Variants in KCNIP4 observed in about 807,000 individuals in gnomAD.
KCNIP4 encodes the protein potassium voltage-gated channel interacting protein 4.
A neutral mutation model predicts 34.0 loss-of-function variants in KCNIP4; 12 were observed. The observed-to-expected ratio is 0.35, with a 90% CI of 0.23 to 0.57. The LOEUF is 0.57. Among genes scored for constraint, KCNIP4 ranks in the 20% least tolerant of loss-of-function variants. The probability of loss-of-function intolerance (pLI) is 0.83; values close to 1 mark genes in which losing one functional copy is unlikely to be tolerated. For missense variants in KCNIP4, 238 were observed against 311.7 expected (o/e 0.76, Z 1.78); for synonymous variants, 124 against 102.2 (o/e 1.21, Z -1.29).
intron 1 of KCNIP4, among the ~76,000 whole-genome samples, chr4:21,352,251 C>A (rs533850880): frequency 6.6e-6 from 1 of 152,176 alleles, no homozygotes; most frequent in Non-Finnish European, 1.5e-5. Context: ...ACTAAGGTAC[C>A]TGGTTCATAT....
At chr4:21,104,813 G>A (rs1748342835) in intron 1 of KCNIP4, among the ~76,000 whole-genome samples, 1 of 151,654 alleles carries the variant, frequency 6.6e-6, no homozygotes, top group South Asian at 2.1e-4. Context: ...TTCTCCATAT[G>A]GCTAGCCAGT....
At chr4:21,804,320 T>C (rs914987711) in intron 1 of KCNIP4, among the ~76,000 whole-genome samples, 16 of 152,252 alleles carry the variant, frequency 1.1e-4, no homozygotes, top group African/African-American at 4.8e-5. Flanking sequence ...GACATGATTA[T>C]AGAGTGGTCT....
intron 1 of KCNIP4, among the ~76,000 whole-genome samples, chr4:21,757,253 A>AAAG (rs1390320160): frequency 2.9e-4 from 7 of 24,428 alleles, no homozygotes; most frequent in East Asian, 5.1e-4. Context: ...GAAAGAAAAG[A>AAAG]AAAGAAAAGA....
intron 1 of KCNIP4, among the ~76,000 whole-genome samples, chr4:21,607,359 G>A (rs1743786994): frequency 6.6e-6 from 1 of 152,078 alleles, no homozygotes; most frequent in African/African-American, 2.4e-5. Flanking sequence ...CAATTCTGAT[G>A]TCCACCTACT....
chr4:21,196,102 A>C (rs1397397149), intron 1 of KCNIP4, among the ~76,000 whole-genome samples: 6 of 152,256 alleles, frequency 3.9e-5, no homozygotes, highest in Non-Finnish European at 8.8e-5. Flanking sequence ...TTTAATGATT[A>C]AAGTAGTATA....
intron 1 of KCNIP4, among the ~76,000 whole-genome samples, chr4:21,433,835 C>T (rs1047366876): frequency 1.3e-5 from 2 of 152,118 alleles, no homozygotes; most frequent in African/African-American, 4.8e-5. Flanking sequence ...AACTTACTAT[C>T]GACTTGCTTC....
rs1023362317 is a variant in KCNIP4, at chr4:21,131,849, G to A, written c.62-249140C>T. On this transcript the variant is annotated intron_variant, in intron 1 of 8. Coordinates refer to ENST00000382152, the MANE Select transcript of KCNIP4 (RefSeq NM_025221.6). ...TTGGTATAAACAATATGATAGATTT[G>A]TATTTATAAAGTGACTTTGATCTAA... Among the ~76,000 whole-genome samples the A allele has an allele frequency of 9.2e-5, 14 of 152,306 alleles. No individual in the cohort carries two copies. The South Asian group carries it at 1.0e-3, about 11-fold the overall frequency.
At chr4:21,498,138 C>T (rs1312347123) in intron 1 of KCNIP4, among the ~76,000 whole-genome samples, 1 of 152,084 alleles carries the variant, frequency 6.6e-6, no homozygotes. Context: ...AAATAAAATT[C>T]ACCCGAATAT....
At chr4:20,962,300 T>G (rs1235711619) in intron 1 of KCNIP4, among the ~76,000 whole-genome samples, 1 of 152,216 alleles carries the variant, frequency 6.6e-6, no homozygotes, top group Non-Finnish European at 1.5e-5. Context: ...ATTTTGTGAC[T>G]GTCAGCATCA....
At chr4:20,927,760 A>C (rs1227767309) in intron 1 of KCNIP4, among the ~76,000 whole-genome samples, 1 of 152,206 alleles carries the variant, frequency 6.6e-6, no homozygotes, top group Admixed American at 6.5e-5. Flanking sequence ...GGGTTTAGTC[A>C]TAATGTCCTT....
At chr4:21,216,647 T>G (rs1290961187) in intron 1 of KCNIP4, among the ~76,000 whole-genome samples, 1 of 152,160 alleles carries the variant, frequency 6.6e-6, no homozygotes, top group African/African-American at 2.4e-5. Flanking sequence ...GAACGAGAAC[T>G]AGGATCCTTT....
chr4:21,279,601 A>T (rs1185720415), intron 1 of KCNIP4, among the ~76,000 whole-genome samples: 1 of 151,192 alleles, frequency 6.6e-6, no homozygotes, highest in Non-Finnish European at 1.5e-5. Context: ...ATTAATATTA[A>T]TAATTTAATA....
intron 1 of KCNIP4, among the ~76,000 whole-genome samples, chr4:21,684,962 G>A (rs1394228732): frequency 2.0e-5 from 3 of 152,108 alleles, no homozygotes; most frequent in African/African-American, 7.2e-5. Flanking sequence ...CTCAAAAAGT[G>A]TTAGCAAGAA....
chr4:21,851,133 G>C (rs1168354131), intron 1 of KCNIP4: 1 of 97,092 alleles, frequency 1.0e-5, no homozygotes, highest in African/African-American at 4.4e-5. Context: ...TTTAACTTTC[G>C]ATCCCACCCT....
chr4:20,848,494 A>T (rs12511507), intron 3 of KCNIP4, among the ~76,000 whole-genome samples: 33,443 of 146,832 alleles, frequency 0.23, 3,997 homozygotes, highest in Admixed American at 0.31. Context: ...CAACAAAAAA[A>T]AACATAAAAT....
chr4:20,937,059 AG>A (rs1731142826), intron 1 of KCNIP4, among the ~76,000 whole-genome samples: 1 of 151,842 alleles, frequency 6.6e-6, no homozygotes, highest in African/African-American at 2.4e-5. Context: ...AGGAAAGAAG[AG>A]GGGTAGAAGC....
At chr4:21,279,261 T>C (rs552501229) in intron 1 of KCNIP4, among the ~76,000 whole-genome samples, 4 of 152,148 alleles carry the variant, frequency 2.6e-5, no homozygotes, top group South Asian at 4.2e-4. Context: ...AGAGTTAGGG[T>C]AGGGTGGCAC....
rs1560397101 is a variant in KCNIP4 at position 20,730,051 on chromosome 4, TG to T, written c.*30del. Reference sequence around the variant, plus strand: ...TAAGGGTGGTAGAATAGTTCACATTTGTCTGTTGGATTCAGGATCTATTTGA... The same window carrying T: ...TAAGGGTGGTAGAATAGTTCACATTTTCTGTTGGATTCAGGATCTATTTGA... On this transcript the variant is annotated 3_prime_UTR_variant, in exon 9 of 9. Transcript: ENST00000382152. The T allele has an allele frequency of 6.3e-7, 1 of 1,598,452 alleles. No individual in the cohort carries two copies. The highest frequency in any genetic ancestry group is 1.1e-5 in the South Asian group (1 of 87,946).
intron 1 of KCNIP4, among the ~76,000 whole-genome samples, chr4:21,227,248 G>T (rs982675960): frequency 6.6e-6 from 1 of 152,120 alleles, no homozygotes; most frequent in South Asian, 2.1e-4. Context: ...GCAGAGTTTT[G>T]TTGGGTCAAG....
Sources: allele counts gnomAD v4.1 joint callset (sites outside exome capture counted in the v4.1 genomes callset), GRCh38; gene constraint gnomAD v4.1.1; transcripts MANE v1.5; gene names NCBI Gene and HGNC (gene_info 2026-07-23, HGNC 2026-07-21).